SGO2: variants seen among roughly 807,000 people sequenced by gnomAD.
SGO2 encodes the protein shugoshin 2.
SGO2 carries 68 observed loss-of-function variants against 99.5 expected under a neutral mutation model. The ratio of observed to expected loss-of-function variants is 0.68; its 90% CI spans 0.56 to 0.84. SGO2 has a LOEUF of 0.84. Ranked by LOEUF, SGO2 falls within the 40% of genes least tolerant of loss-of-function variation. The pLI is 0.00. For missense variants in SGO2, 1,350 were observed against 1,436.7 expected, an observed-to-expected ratio of 0.94 and a Z score of 0.97; for synonymous variants, 457 against 487.1, an observed-to-expected ratio of 0.94 and a Z score of 0.81.
At chr2:200,547,071 A>G (rs1022350221) in intron 5 of SGO2, among the ~76,000 whole-genome samples, 6 of 152,220 alleles carry the variant, frequency 3.9e-5, no homozygotes, top group Admixed American at 1.3e-4. Flanking sequence ...TTCAAGGCAT[A>G]TAATAATCAA....
At position 200,571,399 on chromosome 2, in the gene SGO2, T is replaced by C. The variant is rs776951173; in HGVS notation, c.1053T>C (p.Asn351=). Residue 351 remains asparagine (N), a synonymous_variant, in exon 7 of 9, where the codon AAT becomes AAC. Coordinates refer to ENST00000357799, the MANE Select transcript of SGO2 (RefSeq NM_152524.6). ...AGTGCATGAATCAAATTGAGGATAA[T>C]GATGACTTTCAATTGCAGAAAACTG... ...NAECMNQIED[N]DDFQLQKTVY... is the part of the protein sequence containing the mutation. 2.5e-6 allele frequency: 4 copies of C among 1,609,704 alleles called. No homozygotes were observed. Among genetic ancestry groups the C allele is most frequent in the Non-Finnish European group, 3.4e-6 (4 of 1,176,798 alleles).
In SGO2 at chr2:200,573,812, C is replaced by T. The variant is rs745685461; in HGVS notation, c.3466C>T (p.Arg1156Cys). 21 of 1,612,528 alleles carry T rather than the reference C, an allele frequency of 1.3e-5. No individual in the cohort carries two copies. The highest frequency in any genetic ancestry group is 1.2e-4 in the South Asian group (11 of 90,858). The change falls in exon 7 of 9, where the codon CGT becomes TGT. Residue 1156 changes from arginine to cysteine, a missense_variant. Transcript: ENST00000357799. ...ACAAGATTCTTCCTTTGACAGTGTTCGTGAAGGTTTAGTACCTTTGAGCGT... is the reference window on the plus strand; with the variant it reads ...ACAAGATTCTTCCTTTGACAGTGTTTGTGAAGGTTTAGTACCTTTGAGCGT... ...NIQDSSFDSV[R>C]EGLVPLSVSS... is the part of the protein sequence containing the mutation.
chr2:200,575,792 T>A (rs1361456552), intron 8 of SGO2, among the ~76,000 whole-genome samples: 5 of 152,194 alleles, frequency 3.3e-5, no homozygotes. Flanking sequence ...ACCCCATTTG[T>A]TTATTTCCTA....
intron 5 of SGO2, among the ~76,000 whole-genome samples, chr2:200,546,353 G>GAAAAA (rs772361302): frequency 2.4e-5 from 1 of 42,244 alleles, no homozygotes; most frequent in Non-Finnish European, 4.0e-5. Flanking sequence ...ACTCCATCTG[G>GAAAAA]AAAAAAAAAA....
At chr2:200,547,322 A>T (rs141507261) in intron 5 of SGO2, among the ~76,000 whole-genome samples, 1 of 152,340 alleles carries the variant, frequency 6.6e-6, no homozygotes, top group East Asian at 1.9e-4. Context: ...AAAGTCTTTC[A>T]CGGATAAACA....
chr2:200,578,386 CCTAGTGGCTTAAGT>C (rs374951875), intron 8 of SGO2, among the ~76,000 whole-genome samples: 19 of 152,128 alleles, frequency 1.2e-4, no homozygotes, highest in African/African-American at 3.9e-4. Context: ...GTGGCTTAAT[CCTAGTGGCTTAAGT>C]AGCAATCTGG....
At chr2:200,581,207 G>GAT (rs926355087) in intron 8 of SGO2, among the ~76,000 whole-genome samples, 1 of 152,066 alleles carries the variant, frequency 6.6e-6, no homozygotes, top group Middle Eastern at 3.2e-3. Flanking sequence ...TCTAAAGTTT[G>GAT]ATATATATCC....
In SGO2 at chr2:200,572,943, A is replaced by T; in HGVS notation, c.2597A>T (p.Asp866Val). 1 of 1,598,680 alleles carries T rather than the reference A, an allele frequency of 6.3e-7. No homozygotes were observed. Among genetic ancestry groups the T allele is most frequent in the Non-Finnish European group, 8.5e-7 (1 of 1,174,990 alleles). Residue 866 changes from aspartate to valine, a missense_variant, in exon 7 of 9, where the codon GAT (aspartate) becomes GTT (valine). Physicochemically the swap from Asp to Val is radical, Grantham distance 152. Transcript: ENST00000357799. ...GTCACAAATGAATTTCAAACAGTTG[A>T]TCTTCTCATCAAAGATAATGGAAAT... is the stretch of plus-strand genomic sequence containing the variant. Reference protein sequence around the residue: ...LQVTNEFQTVDLLIKDNGNLC... With the variant: ...LQVTNEFQTVVLLIKDNGNLC...
At chr2:200,563,209 CTT>C (rs1364320004) in intron 5 of SGO2, among the ~76,000 whole-genome samples, 1 of 152,058 alleles carries the variant, frequency 6.6e-6, no homozygotes, top group Non-Finnish European at 1.5e-5. Flanking sequence ...ATAAATGACT[CTT>C]ATTATTTTGA....
chr2:200,562,754 C>T (rs1177823390), intron 5 of SGO2, among the ~76,000 whole-genome samples: 1 of 152,090 alleles, frequency 6.6e-6, no homozygotes, highest in Non-Finnish European at 1.5e-5. Flanking sequence ...TTGTAGTTCT[C>T]CTTGAAGAGG....
intron 5 of SGO2, among the ~76,000 whole-genome samples, chr2:200,547,147 A>T (rs763477579): frequency 2.2e-4 from 34 of 152,184 alleles, no homozygotes; most frequent in Non-Finnish European, 4.6e-4. Context: ...CAAATAACAC[A>T]AAGGAGCTCC....
chr2:200,582,858 G>T (rs969003267), intron 8 of SGO2, among the ~76,000 whole-genome samples: 1 of 152,106 alleles, frequency 6.6e-6, no homozygotes, highest in Admixed American at 6.5e-5. Flanking sequence ...GAATGAAGAT[G>T]TTGAGTGGAA....
At chr2:200,583,421 T>C (rs779445837) in intron 8 of SGO2, 28 bp from the exon 9 acceptor site, 4 of 1,575,756 alleles carry the variant, frequency 2.5e-6, no homozygotes, top group Admixed American at 1.9e-5. Context: ...TGGGTTGTTA[T>C]TAATCTTCCT....
At chr2:200,554,920 G>A (rs1334953037) in intron 5 of SGO2, among the ~76,000 whole-genome samples, 1 of 152,004 alleles carries the variant, frequency 6.6e-6, no homozygotes, top group Non-Finnish European at 1.5e-5. Flanking sequence ...TTTTTAAAGA[G>A]CAGATCAGTG....
chr2:200,570,428 A>T lies in SGO2; in HGVS notation c.703+536A>T, dbSNP rs2033355492. ...ATAGATTTTCAGACTGGGATATGGA[A>T]CTATAACAATTTTGAATTTAGAGCT... On this transcript the variant is annotated intron_variant, in intron 6 of 8. Transcript: ENST00000357799. This position sits in a 1 kb window ranked among gnomAD's most constrained non-coding sequence, Gnocchi z 4.4. Among the ~76,000 whole-genome samples, 1 of 150,910 alleles carries T rather than the reference A, an allele frequency of 6.6e-6. No homozygotes were observed. Among genetic ancestry groups the T allele is most frequent in the Non-Finnish European group, 1.5e-5 (1 of 67,662 alleles).
At position 200,572,810 on chromosome 2, in the gene SGO2, A is replaced by T; in HGVS notation, c.2464A>T (p.Thr822Ser). The change falls in exon 7 of 9, where the codon ACC becomes TCC. Residue 822 changes from threonine to serine, a missense_variant. By Grantham distance (58) the Thr-to-Ser change is moderately conservative. Coordinates refer to ENST00000357799, the MANE Select transcript of SGO2 (RefSeq NM_152524.6). ...TCAAAAGTCAGAAATAATTCCTGAAACCAACCAAATATATGAGAATGATAA... is the reference window on the plus strand; with the variant it reads ...TCAAAAGTCAGAAATAATTCCTGAATCCAACCAAATATATGAGAATGATAA... ...VCQKSEIIPE[T>S]NQIYENDNKG... 8 of 1,612,386 alleles carry T rather than the reference A, an allele frequency of 5.0e-6. No individual in the cohort carries two copies. The highest frequency in any genetic ancestry group is 6.8e-6 in the Non-Finnish European group (8 of 1,179,230).
At position 200,573,406 on chromosome 2, in the gene SGO2, A is replaced by C; in HGVS notation, c.3060A>C (p.Glu1020Asp). Residue 1020 changes from glutamate to aspartate, a missense_variant, in exon 7 of 9, where the codon GAA becomes GAC. Glu to Asp is a conservative substitution (Grantham distance 45). Coordinates refer to ENST00000357799, the MANE Select transcript of SGO2 (RefSeq NM_152524.6). ...TESSQTSISL[E>D]SDLKHITSEA... ...CTTCACAGACATCTATCTCCTTAGAATCTGATTTAAAACATATTACTAGTG... is the reference window on the plus strand; with the variant it reads ...CTTCACAGACATCTATCTCCTTAGACTCTGATTTAAAACATATTACTAGTG... 6.2e-7 allele frequency: 1 copy of C among 1,604,948 alleles called. No homozygotes were observed. Among genetic ancestry groups the C allele is most frequent in the Non-Finnish European group, 8.5e-7 (1 of 1,177,484 alleles).
rs139732936 is a variant in SGO2 at position 200,544,099 on chromosome 2, A to G, written c.473+1435A>G. On this transcript the variant is annotated intron_variant, in intron 5 of 8. Transcript: ENST00000357799. ...ACATGGTTTTGAACTTCATATAATGAAATTATACAGTATGTATGTTTGTCT... is the reference window on the plus strand; with the variant it reads ...ACATGGTTTTGAACTTCATATAATGGAATTATACAGTATGTATGTTTGTCT... Among the ~76,000 whole-genome samples the G allele has an allele frequency of 4.9e-3, 747 of 152,334 alleles. 5 individuals carry two copies. The highest frequency in any genetic ancestry group is 0.017 in the African/African-American group (714 of 41,570).
At chr2:200,568,901 C>T (rs1559213937) in intron 5 of SGO2, among the ~76,000 whole-genome samples, 1 of 142,510 alleles carries the variant, frequency 7.0e-6, no homozygotes, top group Non-Finnish European at 1.6e-5. Context: ...GAAGCAGAAC[C>T]TCTCCGTTTA....
Sources: gnomAD v4.1 joint callset for allele counts (sites outside exome capture counted in the v4.1 genomes callset) on GRCh38, gnomAD v4.1.1 for gene constraint, Gnocchi (gnomAD v3.1) non-coding constraint, MANE v1.5 for transcripts, NCBI Gene and HGNC (gene_info 2026-07-23, HGNC 2026-07-21) for gene names.